QKI: variants seen among roughly 807,000 people sequenced by gnomAD.
The protein encoded by QKI is KH domain-containing RNA-binding protein QKI.
In QKI, 10 loss-of-function variants were observed where a neutral mutation model predicts 39.0. The ratio of observed to expected loss-of-function variants is 0.26; its 90% confidence interval spans 0.16 to 0.43. QKI has a LOEUF of 0.43. QKI is among the 20% of genes least tolerant of loss of function. QKI has a pLI of 1.00. For missense variants in QKI, 218 were observed against 428.0 expected (o/e 0.51, Z 4.33); for synonymous variants, 204 against 155.4 (o/e 1.31, Z -2.33).
At chr6:163,442,718 A>G (rs964143770) in intron 1 of QKI, among the ~76,000 whole-genome samples, 1 of 152,178 alleles carries the variant, frequency 6.6e-6, no homozygotes, top group Non-Finnish European at 1.5e-5. Flanking sequence ...ATTTTGGGGA[A>G]GGCTTAGGAG....
chr6:163,549,468 T>TGGGA (rs931081834), intron 4 of QKI, among the ~76,000 whole-genome samples: 2 of 152,142 alleles, frequency 1.3e-5, no homozygotes, highest in African/African-American at 4.8e-5. Flanking sequence ...CCTAGCACTT[T>TGGGA]GGGAGGCTGA....
At chr6:163,436,687 G>T (rs948979708) in intron 1 of QKI, among the ~76,000 whole-genome samples, 2 of 149,494 alleles carry the variant, frequency 1.3e-5, no homozygotes, top group Non-Finnish European at 3.0e-5. Context: ...GGTGGTGTGT[G>T]CCTGTAGCAG....
Position 163,571,385 on chromosome 6 carries a change from CTA to C in QKI, c.*677_*678del, listed in dbSNP as rs1414411656. The C allele has an allele frequency of 6.6e-6, 1 of 152,080 alleles. No individual in the cohort carries two copies. Among genetic ancestry groups the C allele is most frequent in the Admixed American group, 6.5e-5 (1 of 15,272 alleles). 9.4% of individuals were successfully genotyped at this position (152,080 alleles called of 1,614,324 possible). A position where few individuals can be genotyped will look rare whatever the true frequency, so the allele number is the denominator to read the frequency against. On this transcript the variant is annotated 3_prime_UTR_variant, in exon 8 of 8. Coordinates refer to ENST00000361752, the MANE Select transcript of QKI (RefSeq NM_006775.3). ...TAATGCAAATAACAAAACTGCAACA[CTA>C]TTTTTAAAAAGATAAATATCTGAGT...
At chr6:163,546,408 A>G (rs1781878675) in intron 4 of QKI, among the ~76,000 whole-genome samples, 1 of 151,994 alleles carries the variant, frequency 6.6e-6, no homozygotes, top group African/African-American at 2.4e-5. Context: ...GTCCCTTACT[A>G]TATTTAATGT....
intron 3 of QKI, among the ~76,000 whole-genome samples, chr6:163,524,974 A>C (rs1780399351): frequency 6.6e-6 from 1 of 152,230 alleles, no homozygotes; most frequent in African/African-American, 2.4e-5. Context: ...AAGCATAGAT[A>C]AATTCAAGCA....
chr6:163,418,529 C>T (rs2128206420), intron 1 of QKI, among the ~76,000 whole-genome samples: 1 of 152,100 alleles, frequency 6.6e-6, no homozygotes, highest in East Asian at 1.9e-4. Context: ...TGTGCCAGCT[C>T]TTCCACTGAA....
chr6:163,566,662 G>GT lies in QKI; in HGVS notation c.935-53dup, dbSNP rs372217972. ...CCATTTTGATAAACCTGCTGTTAAT[G>GT]TTTTTTCCCCCCTTGTGAATGTTTT... On this transcript the variant is annotated intron_variant, in intron 6 of 7. Transcript: ENST00000361752. The GT allele has an allele frequency of 4.4e-6, 7 of 1,594,450 alleles. No homozygotes were observed. The Admixed American group carries it at 1.0e-4, about 24-fold the overall frequency.
At chr6:163,555,328 A>G (rs181901068) in intron 4 of QKI, among the ~76,000 whole-genome samples, 4 of 152,196 alleles carry the variant, frequency 2.6e-5, no homozygotes, top group Admixed American at 6.5e-5. Flanking sequence ...GCACATGGCT[A>G]TATATGATTG....
In QKI at chr6:163,431,713, T is replaced by C. The variant is rs1380173984; in HGVS notation, c.142+16378T>C. Among the ~76,000 whole-genome samples, 3 of 151,958 alleles carry C rather than the reference T, an allele frequency of 2.0e-5. No individual in the cohort carries two copies. The East Asian group carries it at 5.8e-4, about 29-fold the overall frequency. On this transcript the variant is annotated intron_variant, in intron 1 of 7. Transcript: ENST00000361752. ...CCTCATTCAGTTATATCATAAAGTTTTGGTGACCTTTGTAGCCTTTATAAA... is the reference window on the plus strand; with the variant it reads ...CCTCATTCAGTTATATCATAAAGTTCTGGTGACCTTTGTAGCCTTTATAAA...
intron 2 of QKI, among the ~76,000 whole-genome samples, chr6:163,455,996 A>C (rs1345689479): frequency 6.6e-6 from 1 of 152,014 alleles, no homozygotes; most frequent in African/African-American, 2.4e-5. Flanking sequence ...GGTCCATTCT[A>C]TTTCTCTGGC....
chr6:163,457,719 C>T (rs559665832), intron 2 of QKI, among the ~76,000 whole-genome samples: 2 of 150,948 alleles, frequency 1.3e-5, no homozygotes, highest in African/African-American at 4.9e-5. Context: ...TGCCAGGCAT[C>T]GTTTCAGGAG....
At chr6:163,564,069 T>C (rs1158443374) in intron 6 of QKI, 1 of 1,086,042 alleles carries the variant, frequency 9.2e-7, no homozygotes, top group Non-Finnish European at 1.1e-6. Context: ...TCTCAAACTT[T>C]ATTTGAGATT....
chr6:163,438,871 C>G (rs1373188700), intron 1 of QKI, among the ~76,000 whole-genome samples: 1 of 152,032 alleles, frequency 6.6e-6, no homozygotes, highest in Non-Finnish European at 1.5e-5. Flanking sequence ...CATACTATAA[C>G]TTTATAAACT....
At chr6:163,421,902 G>C (rs1312539470) in intron 1 of QKI, among the ~76,000 whole-genome samples, 1 of 151,742 alleles carries the variant, frequency 6.6e-6, no homozygotes, top group Non-Finnish European at 1.5e-5. Context: ...CCGCCACCAC[G>C]CCCGGCTAAT....
In QKI at chr6:163,573,854, TAAAGAC is replaced by T. The variant is rs985924289; in HGVS notation, c.*3148_*3153del. On this transcript the variant is annotated 3_prime_UTR_variant, in exon 8 of 8. Coordinates refer to ENST00000361752, the MANE Select transcript of QKI (RefSeq NM_006775.3). ...TATATGTTTAATTAAAATAAACAAA[TAAAGAC>T]AAAAGAATGTAAAGTCTTGAGTTAC... 1 of 151,868 alleles carries T rather than the reference TAAAGAC, an allele frequency of 6.6e-6. No individual in the cohort carries two copies. Among genetic ancestry groups the T allele is most frequent in the African/African-American group, 2.4e-5 (1 of 41,252 alleles). 9.4% of individuals were successfully genotyped at this position (151,868 alleles called of 1,614,324 possible).
intron 3 of QKI, among the ~76,000 whole-genome samples, chr6:163,494,654 T>A (rs144612274): frequency 2.2e-5 from 2 of 89,724 alleles, no homozygotes; most frequent in South Asian, 9.4e-4. Flanking sequence ...GTTTTGGGTT[T>A]TTTTTTTGTT....
intron 1 of QKI, among the ~76,000 whole-genome samples, chr6:163,444,861 C>T (rs996408337): frequency 6.5e-4 from 99 of 152,070 alleles, no homozygotes; most frequent in African/African-American, 2.3e-3. Flanking sequence ...TTCCCCCCTT[C>T]CCTCATTAGA....
intron 3 of QKI, among the ~76,000 whole-genome samples, chr6:163,523,620 A>G (rs1180939167): frequency 1.3e-5 from 2 of 152,218 alleles, no homozygotes; most frequent in East Asian, 3.8e-4. Flanking sequence ...AGAAACTAGT[A>G]TATTTGTATT....
chr6:163,498,470 C>T (rs1366036201), intron 3 of QKI, among the ~76,000 whole-genome samples: 1 of 152,156 alleles, frequency 6.6e-6, no homozygotes, highest in African/African-American at 2.4e-5. Context: ...ACACACCTTT[C>T]ACCTCACTTA....
Sources: gnomAD v4.1 joint callset for allele counts (sites outside exome capture counted in the v4.1 genomes callset) on GRCh38, gnomAD v4.1.1 for gene constraint, MANE v1.5 for transcripts, NCBI Gene and HGNC (gene_info 2026-07-23, HGNC 2026-07-21) for gene names.